PIK3C2G: variants seen among roughly 807,000 people sequenced by gnomAD.
PIK3C2G encodes phosphatidylinositol 3-kinase C2 domain-containing subunit gamma.
Under a neutral mutation model 181.1 loss-of-function variants are expected in PIK3C2G, and 168 were observed. That is an observed-to-expected ratio of 0.93 (90% CI 0.82 to 1.05). PIK3C2G has a LOEUF of 1.05. Among genes scored for constraint, PIK3C2G ranks in the 50% least tolerant of loss-of-function variants. The probability of loss-of-function intolerance (pLI) is 0.00; values close to 1 mark genes in which losing one functional copy is unlikely to be tolerated. For synonymous variants in PIK3C2G, 573 were observed against 592.2 expected, an observed-to-expected ratio of 0.97 and a Z score of 0.47; for missense variants, 1,869 against 1,732.8, an observed-to-expected ratio of 1.08 and a Z score of -1.40.
At chr12:18,634,308 C>A (rs562384172) in intron 31 of PIK3C2G, among the ~76,000 whole-genome samples, 1 of 152,260 alleles carries the variant, frequency 6.6e-6, no homozygotes. Flanking sequence ...TAAGTTGTTG[C>A]AGCTGGCTTC....
In PIK3C2G at chr12:18,408,757, C is replaced by A. The variant is rs117434343; in HGVS notation, c.2315+8910C>A. On this transcript the variant is annotated intron_variant, in intron 16 of 32. Transcript: ENST00000538779. Reference sequence around the variant, plus strand: ...ATCAAAAAGTAGGTGAAGGACTTCTCAAAAGAAGACATTTATTCAGCCAAC... The same window carrying A: ...ATCAAAAAGTAGGTGAAGGACTTCTAAAAAGAAGACATTTATTCAGCCAAC... Among the ~76,000 whole-genome samples, 1,068 of 151,924 alleles carry A rather than the reference C, an allele frequency of 7.0e-3. 6 individuals carry two copies. Among genetic ancestry groups the A allele is most frequent in the African/African-American group, 0.019 (781 of 41,476 alleles).
intron 9 of PIK3C2G, among the ~76,000 whole-genome samples, chr12:18,339,572 C>A (rs536588008): frequency 4.6e-5 from 7 of 152,182 alleles, no homozygotes; most frequent in African/African-American, 1.7e-4. Flanking sequence ...AGAAATTCTA[C>A]TACTTTTGAA....
the PIK3C2G span, among the ~76,000 whole-genome samples, chr12:18,687,351 C>T: frequency 6.6e-6 from 1 of 152,094 alleles, no homozygotes; most frequent in African/African-American, 2.4e-5. Context: ...GGAATGAAGT[C>T]CACTTTGCTT....
intron 18 of PIK3C2G, among the ~76,000 whole-genome samples, chr12:18,460,248 T>C (rs1182882032): frequency 6.6e-6 from 1 of 152,094 alleles, no homozygotes; most frequent in Non-Finnish European, 1.5e-5. Context: ...TGCAAAAAAG[T>C]ATGTTTAAAA....
At chr12:18,538,616 C>T (rs1377319141) in intron 25 of PIK3C2G, among the ~76,000 whole-genome samples, 2 of 151,934 alleles carry the variant, frequency 1.3e-5, no homozygotes, top group African/African-American at 4.8e-5. Context: ...TTCAGTCATA[C>T]TAGGCATTAG....
intron 18 of PIK3C2G, among the ~76,000 whole-genome samples, chr12:18,459,254 C>G (rs1947795514): frequency 6.6e-6 from 1 of 152,142 alleles, no homozygotes; most frequent in Non-Finnish European, 1.5e-5. Flanking sequence ...TTTACAAATT[C>G]ATAAATAATT....
chr12:18,516,205 G>T (rs984482646), intron 24 of PIK3C2G, among the ~76,000 whole-genome samples: 1 of 148,522 alleles, frequency 6.7e-6, no homozygotes, highest in Non-Finnish European at 1.5e-5. Context: ...AAAAGTCTTT[G>T]TCTCTCCATG....
At chr12:18,483,077 A>G (rs1939714420) in intron 18 of PIK3C2G, among the ~76,000 whole-genome samples, 1 of 152,206 alleles carries the variant, frequency 6.6e-6, no homozygotes, top group Non-Finnish European at 1.5e-5. Context: ...AACAAGGGAA[A>G]GTAACACTCA....
the PIK3C2G span, among the ~76,000 whole-genome samples, chr12:18,661,677 A>T: frequency 2.0e-5 from 3 of 152,138 alleles, no homozygotes; most frequent in African/African-American, 7.2e-5. Flanking sequence ...AGAAAAGGGG[A>T]TGCTTATACA....
chr12:18,698,476 A>C, the PIK3C2G span, among the ~76,000 whole-genome samples: 2 of 152,164 alleles, frequency 1.3e-5, no homozygotes, highest in Non-Finnish European at 2.9e-5. Context: ...ACTAAAGTAT[A>C]CTTCAAAATC....
chr12:18,640,803 C>G (rs578198135), intron 32 of PIK3C2G, among the ~76,000 whole-genome samples: 1 of 152,266 alleles, frequency 6.6e-6, no homozygotes, highest in African/African-American at 2.4e-5. Context: ...GAGCCCAAGA[C>G]TTGTTTTGCA....
the PIK3C2G span, among the ~76,000 whole-genome samples, chr12:18,681,290 T>C: frequency 6.6e-6 from 1 of 152,034 alleles, no homozygotes; most frequent in Admixed American, 6.6e-5. Flanking sequence ...ACGGATGGCT[T>C]CCCTGAGGAA....
intron 18 of PIK3C2G, among the ~76,000 whole-genome samples, chr12:18,481,727 T>C (rs966827917): frequency 3.3e-5 from 5 of 151,442 alleles, no homozygotes; most frequent in Non-Finnish European, 7.4e-5. Flanking sequence ...TCTGGAAGAG[T>C]AAGTGGTGGA....
chr12:18,539,098 T>C (rs1269355350), intron 25 of PIK3C2G, among the ~76,000 whole-genome samples: 2 of 151,938 alleles, frequency 1.3e-5, no homozygotes, highest in Admixed American at 1.3e-4. Context: ...ATTTAGAGCT[T>C]CCAGATGACA....
chr12:18,277,045 A>G (rs1309057834), intron 1 of PIK3C2G, among the ~76,000 whole-genome samples: 1 of 152,212 alleles, frequency 6.6e-6, no homozygotes, highest in South Asian at 2.1e-4. Context: ...TCACTTAAAT[A>G]AAAATAGTAT....
chr12:18,524,276 C>T lies in PIK3C2G; in HGVS notation c.3324-13880C>T, dbSNP rs182705500. ...ATGATGCTGTGCTAGCTTGAAGGAG[C>T]GGTGACACAATCAAAGAGAACCATT... On this transcript the variant is annotated intron_variant, in intron 24 of 32. Coordinates refer to ENST00000538779, the MANE Select transcript of PIK3C2G (RefSeq NM_001288772.2). 1.1e-4 allele frequency among the ~76,000 whole-genome samples: 17 copies of T among 152,228 alleles called. No individual in the cohort carries two copies. In the East Asian group the frequency reaches 2.3e-3, roughly 21 times the overall value.
chr12:18,337,574 T>C (rs907573938), intron 8 of PIK3C2G, among the ~76,000 whole-genome samples: 6 of 152,118 alleles, frequency 3.9e-5, no homozygotes, highest in African/African-American at 1.4e-4. Flanking sequence ...CTTGCAATCA[T>C]AGCAGAAGGT....
chr12:18,679,126 C>T, the PIK3C2G span, among the ~76,000 whole-genome samples: 1 of 152,096 alleles, frequency 6.6e-6, no homozygotes, highest in South Asian at 2.1e-4. Context: ...CACATATTTC[C>T]TTTTGGCAAG....
At chr12:18,703,311 TG>T in the PIK3C2G span, among the ~76,000 whole-genome samples, 359 of 152,314 alleles carry the variant, frequency 2.4e-3, 2 homozygotes, top group Middle Eastern at 0.014. Flanking sequence ...CTATATGTCT[TG>T]TCACTAGTGT....
Sources: allele counts gnomAD v4.1 joint callset (sites outside exome capture counted in the v4.1 genomes callset), GRCh38; gene constraint gnomAD v4.1.1; transcripts MANE v1.5; gene names NCBI Gene and HGNC (gene_info 2026-07-23, HGNC 2026-07-21).